Variants in MACF1 observed in about 807,000 individuals in gnomAD.
The protein encoded by MACF1 is microtubule-actin cross-linking factor 1.
MACF1 carries 193 observed loss-of-function variants against 854.8 expected under a neutral mutation model. The observed-to-expected ratio is 0.23, with a 90% CI of 0.20 to 0.25. MACF1 has a LOEUF of 0.25. Among genes scored for constraint, MACF1 ranks in the 10% least tolerant of loss-of-function variants. The pLI, the probability that MACF1 is intolerant of heterozygous loss-of-function variation, is 1.00. For synonymous variants in MACF1, 3,185 were observed against 3,226.7 expected, an observed-to-expected ratio of 0.99 and a Z score of 0.44; for missense variants, 7,722 against 8,929.1, an observed-to-expected ratio of 0.86 and a Z score of 5.45.
At chr1:39,191,027 A>T (rs1253184320) in intron 2 of MACF1, among the ~76,000 whole-genome samples, 1 of 152,020 alleles carries the variant, frequency 6.6e-6, no homozygotes, top group Non-Finnish European at 1.5e-5. Flanking sequence ...CAAAACAACA[A>T]CAACAAAAAC....
At chr1:39,204,119 T>G (rs1449803934), upstream of MACF1, 1 of 151,958 alleles carries the variant, frequency 6.6e-6, no homozygotes, top group Non-Finnish European at 1.5e-5. Flanking sequence ...ACTAAAAATA[T>G]AAAAATTAGC....
Position 39,357,614 on chromosome 1 carries a change from G to A in MACF1, c.11664G>A (p.Glu3888=), listed in dbSNP as rs770148465. Reference sequence around the variant, plus strand: ...AGAAATTTCTGCAGGATCATAAAGAGTTTGAAAGCTGGTTGGAACGATCCG... The same window carrying A: ...AGAAATTTCTGCAGGATCATAAAGAATTTGAAAGCTGGTTGGAACGATCCG... ...ELQKFLQDHK[E]FESWLERSEK... is the part of the protein sequence containing the mutation. Residue 3888 remains glutamate, a synonymous_variant, in exon 45 of 101, where the codon GAG becomes GAA. Transcript: ENST00000564288. 65 of 1,614,046 alleles carry A rather than the reference G, an allele frequency of 4.0e-5. No homozygotes were observed. Among genetic ancestry groups the A allele is most frequent in the Non-Finnish European group, 5.1e-5 (60 of 1,180,044 alleles).
intron 2 of MACF1, among the ~76,000 whole-genome samples, chr1:39,104,895 T>A (rs1642181337): frequency 6.6e-6 from 1 of 152,228 alleles, no homozygotes; most frequent in Non-Finnish European, 1.5e-5. Context: ...CGTGGTCTTT[T>A]GCCCTCTGCT....
chr1:39,331,585 G>C lies in MACF1; in HGVS notation c.4997G>C (p.Ser1666Thr), dbSNP rs1301830831. The C allele has an allele frequency of 6.2e-7, 1 of 1,614,152 alleles. No homozygotes were observed. Among genetic ancestry groups the C allele is most frequent in the East Asian group, 2.2e-5 (1 of 44,890 alleles). Reference protein sequence around the residue: ...LATGGFSLSPSENCINLEEAF... With the variant: ...LATGGFSLSPTENCINLEEAF... ...ACTGGAGGTTTCAGTCTTTCCCCTA[G>C]TGAGAACTGTATTAACCTGGAAGAG... Residue 1666 changes from serine to threonine, a missense_variant, in exon 37 of 101, where the codon AGT becomes ACT. Ser to Thr is a moderately conservative substitution (Grantham distance 58, BLOSUM62 1). This residue lies in a region of MACF1 where 1,531 missense variants were observed against 1,601.6 expected (regional missense o/e 0.96). Coordinates refer to ENST00000564288, the MANE Select transcript of MACF1 (RefSeq NM_001394062.1).
intron 2 of MACF1, among the ~76,000 whole-genome samples, chr1:39,159,819 G>C (rs918080803): frequency 6.6e-6 from 1 of 152,020 alleles, no homozygotes; most frequent in Admixed American, 6.6e-5. Context: ...AGCAACCATG[G>C]GGTGTGGAGA....
chr1:39,428,740 T>A (rs116331249), intron 63 of MACF1, among the ~76,000 whole-genome samples: 2 of 152,228 alleles, frequency 1.3e-5, no homozygotes, highest in Admixed American at 1.3e-4. Flanking sequence ...TAGAAGAGTT[T>A]GCCTTTTTCA....
chr1:39,126,967 C>T (rs1642875948), intron 2 of MACF1, among the ~76,000 whole-genome samples: 1 of 152,130 alleles, frequency 6.6e-6, no homozygotes, highest in Admixed American at 6.6e-5. Flanking sequence ...TGCCTTGGCT[C>T]AAGCCTGTAA....
At position 39,385,554 on chromosome 1, in the gene MACF1, C is replaced by T; in HGVS notation, c.13969C>T (p.Leu4657Phe). ...SLSTSQVQKE[L>F]QSINQKWVEL... is the part of the protein sequence containing the mutation. The stretch of plus-strand genomic sequence containing the variant: ...GTCCACCAGCCAAGTACAGAAAGAA[C>T]TCCAGAGCATCAATCAGAAATGGGT... Residue 4657 changes from leucine to phenylalanine, a missense_variant, in exon 57 of 101, where the codon CTC becomes TTC. Physicochemically the swap from Leu to Phe is conservative, Grantham distance 22. Around this residue, in one of 15 missense-constraint regions of MACF1, gnomAD observed 2,807 missense variants for 3,235.8 expected, o/e 0.87. Coordinates refer to ENST00000564288, the MANE Select transcript of MACF1 (RefSeq NM_001394062.1). 2 of 1,614,182 alleles carry T rather than the reference C, an allele frequency of 1.2e-6. No homozygotes were observed. Among genetic ancestry groups the T allele is most frequent in the Non-Finnish European group, 1.7e-6 (2 of 1,180,032 alleles).
Position 39,105,764 on chromosome 1 carries a change from C to T in MACF1, c.220+21326C>T, listed in dbSNP as rs564336489. The T allele has an allele frequency of 2.8e-6, 3 of 1,084,282 alleles. No individual in the cohort carries two copies. The highest frequency in any genetic ancestry group is 3.3e-5 in the African/African-American group (2 of 59,900). 67.2% of individuals were successfully genotyped at this position (1,084,282 alleles called of 1,614,324 possible). On this transcript the variant is annotated intron_variant, in intron 2 of 93. Coordinates refer to the MACF1 transcript ENST00000361689. This position sits in a 1 kb window ranked among gnomAD's most constrained non-coding sequence, Gnocchi z 5.9. ...CGCTGAGGCCCGCGGGCCGGCGCAG[C>T]GTGGCCTTCGGAGCCGGTCGGCTCG...
chr1:39,451,489 A>G (rs1422227252), intron 85 of MACF1, among the ~76,000 whole-genome samples: 1 of 152,180 alleles, frequency 6.6e-6, no homozygotes, highest in African/African-American at 2.4e-5. Flanking sequence ...AAATGGATCT[A>G]AATTCCAACG....
chr1:39,257,343 C>T (rs997324301), intron 5 of MACF1, among the ~76,000 whole-genome samples: 2 of 151,986 alleles, frequency 1.3e-5, no homozygotes, highest in Admixed American at 1.3e-4. Context: ...CACTCTGTCG[C>T]CCAGGCTGGA....
chr1:39,327,032 ACAT>A (rs903384916), intron 35 of MACF1, among the ~76,000 whole-genome samples, 183 bp from the exon 36 acceptor site: 5 of 152,334 alleles, frequency 3.3e-5, no homozygotes, highest in Admixed American at 1.3e-4. Context: ...CATAGCATTG[ACAT>A]CATCAAGAAC....
In MACF1 at chr1:39,265,788, G is replaced by A. The variant is rs777570240; in HGVS notation, c.528+7760G>A. Among the ~76,000 whole-genome samples, 17 of 152,170 alleles carry A rather than the reference G, an allele frequency of 1.1e-4. No homozygotes were observed. In the East Asian group the frequency reaches 1.5e-3, roughly 14 times the overall value. ...ACCATCTATATCTTAGGATCCCCCC[G>A]GGGGCTGGGGATGTCTCATAACTTT... On this transcript the variant is annotated intron_variant, in intron 6 of 100. Transcript: ENST00000564288.
At chr1:39,285,790 G>C in intron 14 of MACF1, 32 bp downstream of exon 14, 1 of 1,609,052 alleles carries the variant, frequency 6.2e-7, no homozygotes, top group Non-Finnish European at 8.5e-7. Flanking sequence ...TGGAGGGCTT[G>C]CTTGCTTACT....
intron 49 of MACF1, among the ~76,000 whole-genome samples, chr1:39,366,159 G>A (rs1648691403): frequency 6.6e-6 from 1 of 152,096 alleles, no homozygotes; most frequent in South Asian, 2.1e-4. Context: ...GTGAATTTAG[G>A]AATCACCTTC....
intron 1 of MACF1, among the ~76,000 whole-genome samples, chr1:39,209,636 GT>G (rs10715770): frequency 0.95 from 144,877 of 152,016 alleles, 69,117 homozygotes; most frequent in East Asian, 1. Context: ...CCCATCCTGG[GT>G]TTTTTTTTAT....
chr1:39,126,561 G>A (rs1482461535), intron 2 of MACF1, among the ~76,000 whole-genome samples: 1 of 152,204 alleles, frequency 6.6e-6, no homozygotes, highest in African/African-American at 2.4e-5. Flanking sequence ...GCCAAGGCAT[G>A]TGGATCACCT....
intron 2 of MACF1, among the ~76,000 whole-genome samples, chr1:39,238,473 G>T (rs1473526318): frequency 6.6e-6 from 1 of 152,204 alleles, no homozygotes; most frequent in East Asian, 1.9e-4. Flanking sequence ...AGTGGCCCCT[G>T]CCCTTGGGTT....
Position 39,333,319 on chromosome 1 carries a change from A to G in MACF1, c.6731A>G (p.Gln2244Arg). 1 of 1,614,162 alleles carries G rather than the reference A, an allele frequency of 6.2e-7. No individual in the cohort carries two copies. The highest frequency in any genetic ancestry group is 8.5e-7 in the Non-Finnish European group (1 of 1,180,036). ...FLAKDDHKESQEAQNIAGGSM... is the reference protein window; with the variant it reads ...FLAKDDHKESREAQNIAGGSM... Reference sequence around the variant, plus strand: ...GCTAAGGATGACCATAAAGAAAGTCAAGAAGCACAGAACATCGCAGGTGGT... The same window carrying G: ...GCTAAGGATGACCATAAAGAAAGTCGAGAAGCACAGAACATCGCAGGTGGT... Residue 2244 changes from glutamine (Q) to arginine (R), a missense_variant, in exon 37 of 101, where the codon CAA becomes CGA. Gln to Arg is a conservative substitution (Grantham distance 43, BLOSUM62 1). Coordinates refer to ENST00000564288, the MANE Select transcript of MACF1 (RefSeq NM_001394062.1).
Sources: gnomAD v4.1 joint callset for allele counts (sites outside exome capture counted in the v4.1 genomes callset) on GRCh38, gnomAD v4.1.1 for gene constraint, gnomAD v4.1.1 regional missense constraint, Gnocchi (gnomAD v3.1) non-coding constraint, MANE v1.5 for transcripts, NCBI Gene and HGNC (gene_info 2026-07-23, HGNC 2026-07-21) for gene names.